The following ADGRB3 variants were observed in gnomAD, a reference collection of about 807,000 sequenced individuals.
ADGRB3 encodes the protein brain-specific angiogenesis inhibitor 3.
In ADGRB3, 37 loss-of-function variants were observed where a neutral mutation model predicts 193.4. The ratio of observed to expected loss-of-function variants is 0.19; its 90% CI spans 0.15 to 0.25. The LOEUF is 0.25. Ranked by LOEUF, ADGRB3 falls within the 10% of genes least tolerant of loss-of-function variation. The probability of loss-of-function intolerance (pLI) is 1.00; values close to 1 mark genes in which losing one functional copy is unlikely to be tolerated. For synonymous variants in ADGRB3, 690 were observed against 644.2 expected (o/e 1.07, Z -1.08); for missense variants, 1,637 against 1,852.9 (o/e 0.88, Z 2.14).
chr6:68,803,037 A>G lies in ADGRB3; in HGVS notation c.758-127522A>G, dbSNP rs1360869071. ...ATATGCTTTGTGTTTCTTGTTTTTA[A>G]TATTATACTATATACCATATATTGA... On this transcript the variant is annotated intron_variant, in intron 3 of 31. Transcript: ENST00000370598. Among the ~76,000 whole-genome samples the G allele has an allele frequency of 3.3e-5, 5 of 152,060 alleles. No individual in the cohort carries two copies. In the East Asian group the frequency reaches 7.7e-4, roughly 23 times the overall value.
intron 6 of ADGRB3, among the ~76,000 whole-genome samples, chr6:68,949,123 A>C (rs114099654): frequency 0.017 from 2,627 of 152,236 alleles, 84 homozygotes; most frequent in African/African-American, 0.059. Flanking sequence ...TTACTTTAAA[A>C]TTAAGAGATT....
chr6:69,183,074 G>A (rs1338052787), intron 17 of ADGRB3, among the ~76,000 whole-genome samples: 4 of 152,064 alleles, frequency 2.6e-5, no homozygotes, highest in African/African-American at 4.8e-5. Flanking sequence ...CTATGCCAAC[G>A]AAGCAATTTA....
At chr6:69,121,358 G>T (rs1254029903) in intron 17 of ADGRB3, among the ~76,000 whole-genome samples, 4 of 152,178 alleles carry the variant, frequency 2.6e-5, no homozygotes, top group African/African-American at 9.7e-5. Flanking sequence ...CAAAGCAGAA[G>T]AATTTTTCTT....
chr6:69,031,308 T>C (rs1256850300), intron 13 of ADGRB3, among the ~76,000 whole-genome samples: 4 of 151,308 alleles, frequency 2.6e-5, no homozygotes, highest in Admixed American at 6.6e-5. Context: ...GGCGCAGTGG[T>C]TGGGGGCCTG....
At chr6:69,325,554 C>T (rs975248028) in intron 21 of ADGRB3, among the ~76,000 whole-genome samples, 3 of 152,138 alleles carry the variant, frequency 2.0e-5, no homozygotes, top group Non-Finnish European at 4.4e-5. Flanking sequence ...AGAACTAATT[C>T]TTTACTTGTG....
chr6:69,315,691 A>G (rs918662664), intron 20 of ADGRB3, among the ~76,000 whole-genome samples: 1 of 151,472 alleles, frequency 6.6e-6, no homozygotes, highest in African/African-American at 2.4e-5. Context: ...GTCCAGAATT[A>G]TATTGTAAAT....
chr6:68,917,483 A>AT (rs59170997), intron 3 of ADGRB3, among the ~76,000 whole-genome samples: 1,580 of 151,908 alleles, frequency 0.01, 44 homozygotes, highest in African/African-American at 0.036. Context: ...GATAATTACT[A>AT]TTTTTTTTCC....
intron 3 of ADGRB3, among the ~76,000 whole-genome samples, chr6:68,671,196 G>A (rs1768948582): frequency 6.6e-6 from 1 of 151,892 alleles, no homozygotes; most frequent in African/African-American, 2.4e-5. Flanking sequence ...TATATCATCT[G>A]TAAACATGGA....
chr6:69,365,337 C>T (rs1177582923), intron 29 of ADGRB3, among the ~76,000 whole-genome samples: 1 of 151,992 alleles, frequency 6.6e-6, no homozygotes, highest in Non-Finnish European at 1.5e-5. Flanking sequence ...GTAGTTCCCA[C>T]AGTGCTTCCA....
intron 17 of ADGRB3, among the ~76,000 whole-genome samples, chr6:69,214,804 A>C (rs2127243233): frequency 6.6e-6 from 1 of 151,628 alleles, no homozygotes; most frequent in East Asian, 2.0e-4. Context: ...ATTTGCACCA[A>C]CCTAATTTTA....
At chr6:69,327,725 A>G in intron 21 of ADGRB3, 95 bp from the exon 22 acceptor site, 1 of 935,932 alleles carries the variant, frequency 1.1e-6, no homozygotes, top group Non-Finnish European at 1.6e-6. Context: ...TAGTTTATCT[A>G]ATTTGAGCAC....
chr6:69,376,554 A>T (rs1056165117), intron 30 of ADGRB3, among the ~76,000 whole-genome samples: 1 of 152,006 alleles, frequency 6.6e-6, no homozygotes, highest in Non-Finnish European at 1.5e-5. Flanking sequence ...CCCCATTTTC[A>T]TGGGGGCTTG....
At chr6:69,319,964 A>G (rs1768409215) in intron 20 of ADGRB3, among the ~76,000 whole-genome samples, 1 of 151,234 alleles carries the variant, frequency 6.6e-6, no homozygotes, top group Non-Finnish European at 1.5e-5. Context: ...TTTATTTTCT[A>G]TTTCTCATGT....
intron 3 of ADGRB3, among the ~76,000 whole-genome samples, chr6:68,824,652 A>C (rs1419050869): frequency 6.7e-6 from 1 of 148,564 alleles, no homozygotes; most frequent in South Asian, 2.1e-4. Context: ...TATATATTAT[A>C]AATATATATG....
intron 3 of ADGRB3, among the ~76,000 whole-genome samples, chr6:68,753,717 A>G (rs1366827960): frequency 6.6e-6 from 1 of 152,260 alleles, no homozygotes; most frequent in East Asian, 1.9e-4. Flanking sequence ...AAAAGTAAAG[A>G]AAAATTATTT....
intron 3 of ADGRB3, among the ~76,000 whole-genome samples, chr6:68,858,753 C>A (rs1047148928): frequency 2.6e-5 from 4 of 152,078 alleles, no homozygotes; most frequent in Non-Finnish European, 5.9e-5. Context: ...CTACATTGAC[C>A]CCTTTCAGCT....
chr6:69,202,739 G>A (rs1031826756), intron 17 of ADGRB3, among the ~76,000 whole-genome samples: 1 of 152,012 alleles, frequency 6.6e-6, no homozygotes, highest in Non-Finnish European at 1.5e-5. Flanking sequence ...AGAAAAGCTG[G>A]GTATAAGAAC....
chr6:68,851,947 T>A (rs965890448), intron 3 of ADGRB3, among the ~76,000 whole-genome samples: 3 of 151,884 alleles, frequency 2.0e-5, no homozygotes, highest in Non-Finnish European at 4.4e-5. Flanking sequence ...GCAATTTATT[T>A]GCATTGTGCA....
At chr6:68,751,268 C>T (rs1766193237) in intron 3 of ADGRB3, among the ~76,000 whole-genome samples, 1 of 152,058 alleles carries the variant, frequency 6.6e-6, no homozygotes, top group African/African-American at 2.4e-5. Flanking sequence ...AGACTTCTAC[C>T]GTGTTTCATG....
Sources: allele counts gnomAD v4.1 joint callset (sites outside exome capture counted in the v4.1 genomes callset), GRCh38; gene constraint gnomAD v4.1.1; transcripts MANE v1.5; gene names NCBI Gene and HGNC (gene_info 2026-07-23, HGNC 2026-07-21).